Variants in ZPLD1 observed in about 807,000 individuals in gnomAD.
ZPLD1 encodes the protein zona pellucida like domain containing 1.
A neutral mutation model predicts 47.2 loss-of-function variants in ZPLD1; 34 were observed. That is an observed-to-expected ratio of 0.72 (90% CI 0.55 to 0.96). ZPLD1 has a LOEUF of 0.96. Among genes scored for constraint, ZPLD1 ranks in the 40% least tolerant of loss-of-function variants. ZPLD1 has a pLI of 0.00. For missense variants in ZPLD1, 512 were observed against 505.8 expected (o/e 1.01, Z -0.12); for synonymous variants, 176 against 186.2 (o/e 0.95, Z 0.45).
chr3:102,426,526 A>G (rs1051176267), intron 8 of ZPLD1, among the ~76,000 whole-genome samples: 14 of 152,134 alleles, frequency 9.2e-5, no homozygotes, highest in African/African-American at 3.4e-4. Context: ...CTCAAAAAAA[A>G]AAAAAAAAAT....
intron 6 of ZPLD1, among the ~76,000 whole-genome samples, chr3:102,387,925 A>G (rs1397739753): frequency 7.7e-6 from 1 of 129,556 alleles, no homozygotes; most frequent in Non-Finnish European, 1.5e-5. Flanking sequence ...CAGTGGTGCG[A>G]TCTCCGCTCA....
chr3:102,463,237 A>G (rs928036085), intron 7 of ZPLD1, among the ~76,000 whole-genome samples: 1 of 152,188 alleles, frequency 6.6e-6, no homozygotes, highest in Non-Finnish European at 1.5e-5. Flanking sequence ...TATGTGCCTC[A>G]TGGCTTTCTT....
chr3:102,422,463 G>A (rs1226706078), intron 8 of ZPLD1, among the ~76,000 whole-genome samples: 2 of 152,008 alleles, frequency 1.3e-5, no homozygotes, highest in African/African-American at 2.4e-5. Flanking sequence ...TGCCAGCTTT[G>A]AGAAATGCTG....
chr3:102,411,201 G>C (rs1403724170), intron 7 of ZPLD1, among the ~76,000 whole-genome samples: 2 of 151,698 alleles, frequency 1.3e-5, no homozygotes, highest in African/African-American at 4.8e-5. Flanking sequence ...ATGAGAGCTG[G>C]AGGCAAATTG....
intron 5 of ZPLD1, 51 bp downstream of exon 5, chr3:102,456,425 C>T (rs780140036): frequency 2.0e-6 from 3 of 1,508,862 alleles, no homozygotes; most frequent in Non-Finnish European, 2.7e-6. Context: ...TTGCTTCAGG[C>T]ATTTCGTATC....
In ZPLD1 at chr3:102,424,324, A is replaced by G. The variant is rs114965024; in HGVS notation, c.-9+6117A>G. Among the ~76,000 whole-genome samples the G allele has an allele frequency of 6.2e-3, 946 of 152,138 alleles. 9 individuals carry two copies. Among genetic ancestry groups the G allele is most frequent in the African/African-American group, 0.021 (892 of 41,514 alleles). ...TCTAGATACAAATTTCCTTCTAGGT[A>G]TCTTCATATTTTTCTCCTTTCATTC... On this transcript the variant is annotated intron_variant, in intron 8 of 17. Coordinates refer to the ZPLD1 transcript ENST00000491959.
At chr3:102,462,955 G>A (rs1171545957) in intron 7 of ZPLD1, among the ~76,000 whole-genome samples, 1 of 152,054 alleles carries the variant, frequency 6.6e-6, no homozygotes, top group Non-Finnish European at 1.5e-5. Context: ...GTTTTGGGTT[G>A]CTTATGTATT....
chr3:102,472,387 C>T (rs2107357688), intron 10 of ZPLD1, among the ~76,000 whole-genome samples: 1 of 152,168 alleles, frequency 6.6e-6, no homozygotes, highest in East Asian at 1.9e-4. Flanking sequence ...CAGAAATTAG[C>T]CAGGTGTGGT....
chr3:102,462,921 A>G (rs1336350784), intron 7 of ZPLD1, among the ~76,000 whole-genome samples: 2 of 152,150 alleles, frequency 1.3e-5, no homozygotes, highest in African/African-American at 4.8e-5. Context: ...TGCCCTATAA[A>G]AAAATGTAAT....
chr3:102,428,029 T>C (rs1051752013), intron 8 of ZPLD1, among the ~76,000 whole-genome samples: 3 of 152,196 alleles, frequency 2.0e-5, no homozygotes, highest in African/African-American at 7.2e-5. Flanking sequence ...ACAGATATTC[T>C]ATGCAATTAG....
intron 7 of ZPLD1, among the ~76,000 whole-genome samples, chr3:102,396,086 G>T (rs1460307133): frequency 1.3e-5 from 2 of 152,082 alleles, no homozygotes; most frequent in African/African-American, 2.4e-5. Flanking sequence ...ATTACATGTT[G>T]TTGGAAGTTT....
chr3:102,388,429 G>GTCTCTCTCTC lies in ZPLD1; in HGVS notation c.-213+3126_-213+3135dup, dbSNP rs71781267. Among the ~76,000 whole-genome samples, 1,261 of 135,844 alleles carry GTCTCTCTCTC rather than the reference G, an allele frequency of 9.3e-3. 14 individuals carry two copies. Among genetic ancestry groups the GTCTCTCTCTC allele is most frequent in the South Asian group, 0.016 (68 of 4,284 alleles). 89.1% of individuals were successfully genotyped at this position (135,844 alleles called of 152,430 possible). A position where few individuals can be genotyped will look rare whatever the true frequency, so the allele number is the denominator to read the frequency against. ...ATATTATTGGATTTTCTCTCCTGGA[G>GTCTCTCTCTC]TCTCTCTCTCTCTCTCTCTCTCTGT... is the stretch of plus-strand genomic sequence containing the variant. On this transcript the variant is annotated intron_variant, in intron 6 of 17. Transcript: ENST00000491959.
At chr3:102,438,722 C>T (rs566083277) in intron 3 of ZPLD1, 129 bp downstream of exon 3, 2 of 579,734 alleles carry the variant, frequency 3.4e-6, no homozygotes, top group Non-Finnish European at 3.0e-6. Context: ...TAACAAATGG[C>T]AAATGACAAG....
At chr3:102,462,432 C>T (rs1707523390) in intron 7 of ZPLD1, 54 bp downstream of exon 7, 1 of 1,227,866 alleles carries the variant, frequency 8.1e-7, no homozygotes, top group Non-Finnish European at 1.2e-6. Context: ...TGCCTAAATC[C>T]TCATGAGTCA....
At chr3:102,412,390 G>T (rs555862783) in intron 7 of ZPLD1, among the ~76,000 whole-genome samples, 1 of 151,844 alleles carries the variant, frequency 6.6e-6, no homozygotes, top group South Asian at 2.1e-4. Context: ...CTCCCACCTA[G>T]AGGATTATAT....
intron 8 of ZPLD1, among the ~76,000 whole-genome samples, chr3:102,427,189 A>C (rs554902891): frequency 8.5e-5 from 13 of 152,344 alleles, no homozygotes; most frequent in Non-Finnish European, 1.5e-4. Context: ...CCTAAAGGCC[A>C]TTGAGAAACA....
At chr3:102,450,316 G>T (rs1315277280) in intron 3 of ZPLD1, among the ~76,000 whole-genome samples, 1 of 152,108 alleles carries the variant, frequency 6.6e-6, no homozygotes, top group East Asian at 1.9e-4. Context: ...GTTAACACAT[G>T]TACATACTTA....
At chr3:102,425,148 A>C (rs1706927804) in intron 8 of ZPLD1, among the ~76,000 whole-genome samples, 1 of 152,078 alleles carries the variant, frequency 6.6e-6, no homozygotes, top group Non-Finnish European at 1.5e-5. Context: ...CCTCATTTAT[A>C]TTTCATCTTT....
intron 5 of ZPLD1, among the ~76,000 whole-genome samples, chr3:102,456,620 C>A (rs1216132128): frequency 6.7e-6 from 1 of 150,214 alleles, no homozygotes; most frequent in African/African-American, 2.5e-5. Flanking sequence ...CATAACAGAC[C>A]CAAACCAGTT....
Sources: gnomAD v4.1 joint callset for allele counts (sites outside exome capture counted in the v4.1 genomes callset) on GRCh38, gnomAD v4.1.1 for gene constraint, MANE v1.5 for transcripts, NCBI Gene and HGNC (gene_info 2026-07-23, HGNC 2026-07-21) for gene names.